The following R3HCC1L variants were observed in gnomAD, a reference collection of about 807,000 sequenced individuals.
R3HCC1L encodes coiled-coil domain-containing protein R3HCC1L.
A neutral mutation model predicts 59.9 loss-of-function variants in R3HCC1L; 51 were observed. That is an observed-to-expected ratio of 0.85 (90% CI 0.68 to 1.07). The LOEUF (loss-of-function observed/expected upper bound fraction) is 1.07. Among genes scored for constraint, R3HCC1L ranks in the 50% least tolerant of loss-of-function variants. The pLI is 0.00. For missense variants in R3HCC1L, 965 were observed against 933.0 expected (o/e 1.03, Z -0.45); for synonymous variants, 322 against 315.2 (o/e 1.02, Z -0.23).
intron 4 of R3HCC1L, among the ~76,000 whole-genome samples, chr10:98,204,980 T>C (rs1200021853): frequency 6.6e-6 from 1 of 152,168 alleles, no homozygotes. Context: ...TTTTTGTGTC[T>C]GTGAGTTATG....
rs114189416 is a variant in R3HCC1L at position 98,164,868 on chromosome 10, G to T, written c.-15+1471G>T. 3.3e-3 allele frequency among the ~76,000 whole-genome samples: 498 copies of T among 152,308 alleles called. 7 individuals carry two copies. Among genetic ancestry groups the T allele is most frequent in the African/African-American group, 0.011 (465 of 41,566 alleles). On this transcript the variant is annotated intron_variant, in intron 4 of 9. Coordinates refer to ENST00000298999, the MANE Select transcript of R3HCC1L (RefSeq NM_001351015.2). ...TGAATGGAAGGTGTTTTAGTTGTTG[G>T]GTTCTGCTAATACAGCTGTGAAATA...
chr10:98,223,411 T>G (rs1029236010), intron 5 of R3HCC1L, among the ~76,000 whole-genome samples: 1 of 152,098 alleles, frequency 6.6e-6, no homozygotes, highest in Admixed American at 6.6e-5. Flanking sequence ...ATAATTACTG[T>G]GTTCTTTTGG....
At chr10:98,203,043 A>G (rs1233590072) in intron 4 of R3HCC1L, among the ~76,000 whole-genome samples, 5 of 152,210 alleles carry the variant, frequency 3.3e-5, no homozygotes, top group Admixed American at 1.3e-4. Flanking sequence ...AGGACATTAC[A>G]GGATCGCTTG....
chr10:98,228,226 A>T (rs1013006172), intron 5 of R3HCC1L, among the ~76,000 whole-genome samples: 1 of 152,202 alleles, frequency 6.6e-6, no homozygotes, highest in Non-Finnish European at 1.5e-5. Flanking sequence ...CTGTTTCTCC[A>T]CATCCTCTCC....
intron 4 of R3HCC1L, among the ~76,000 whole-genome samples, chr10:98,194,922 A>G (rs974250473): frequency 2.0e-5 from 3 of 152,118 alleles, no homozygotes; most frequent in African/African-American, 7.2e-5. Flanking sequence ...TCTTCCTAAA[A>G]CTAAAAATAG....
intron 4 of R3HCC1L, among the ~76,000 whole-genome samples, chr10:98,198,818 G>C (rs186573587): frequency 1.3e-5 from 2 of 152,212 alleles, no homozygotes; most frequent in Non-Finnish European, 2.9e-5. Context: ...GATTATATTT[G>C]TCCTGTGGCA....
intron 4 of R3HCC1L, among the ~76,000 whole-genome samples, chr10:98,177,345 A>G (rs774301331): frequency 3.3e-5 from 5 of 152,144 alleles, no homozygotes; most frequent in African/African-American, 7.2e-5. Flanking sequence ...CCACGTCCCT[A>G]CAAAGGACAT....
intron 9 of R3HCC1L, among the ~76,000 whole-genome samples, chr10:98,238,978 C>A (rs1227026031): frequency 6.6e-6 from 1 of 152,154 alleles, no homozygotes; most frequent in East Asian, 1.9e-4. Flanking sequence ...AGATTAGGGG[C>A]AGATTGTTTA....
intron 1 of R3HCC1L, among the ~76,000 whole-genome samples, chr10:98,141,602 G>T (rs1845142983): frequency 6.6e-6 from 1 of 152,200 alleles, no homozygotes; most frequent in African/African-American, 2.4e-5. Context: ...TTAAGCCTTA[G>T]CTGGGAAGAT....
chr10:98,198,183 G>A (rs764057570), intron 4 of R3HCC1L, among the ~76,000 whole-genome samples: 3 of 152,068 alleles, frequency 2.0e-5, no homozygotes, highest in Non-Finnish European at 4.4e-5. Flanking sequence ...TTAGGGAGAG[G>A]AGAGCAGTGA....
intron 4 of R3HCC1L, among the ~76,000 whole-genome samples, chr10:98,163,960 T>C (rs529186439): frequency 6.6e-6 from 1 of 152,294 alleles, no homozygotes; most frequent in Non-Finnish European, 1.5e-5. Context: ...CAAGGAAGAT[T>C]TAGTAAGTTG....
intron 4 of R3HCC1L, among the ~76,000 whole-genome samples, chr10:98,193,736 G>A (rs1255674846): frequency 1.3e-5 from 2 of 152,120 alleles, no homozygotes; most frequent in Non-Finnish European, 2.9e-5. Context: ...TTTCCCTTGA[G>A]TATGACCTTT....
intron 4 of R3HCC1L, among the ~76,000 whole-genome samples, chr10:98,204,743 C>T (rs568335758): frequency 7.2e-5 from 11 of 152,096 alleles, no homozygotes; most frequent in Admixed American, 2.0e-4. Flanking sequence ...AACAATATTA[C>T]GTATCGTTAT....
chr10:98,141,841 A>G (rs1010430554), intron 1 of R3HCC1L, among the ~76,000 whole-genome samples: 2 of 152,244 alleles, frequency 1.3e-5, no homozygotes, highest in African/African-American at 2.4e-5. Context: ...GTTCTGTAGT[A>G]TCACAAGCTT....
At chr10:98,229,937 G>A (rs1200316741) in intron 5 of R3HCC1L, among the ~76,000 whole-genome samples, 14 of 152,208 alleles carry the variant, frequency 9.2e-5, no homozygotes. Flanking sequence ...AAGCCAACTT[G>A]ATCATGGTGG....
At chr10:98,153,205 A>G (rs577008802) in intron 1 of R3HCC1L, among the ~76,000 whole-genome samples, 7 of 152,278 alleles carry the variant, frequency 4.6e-5, no homozygotes, top group African/African-American at 1.7e-4. Context: ...GAGAATTCAG[A>G]TTGTTGCTGT....
intron 5 of R3HCC1L, among the ~76,000 whole-genome samples, chr10:98,226,598 A>G (rs1855698374): frequency 6.6e-6 from 1 of 152,240 alleles, no homozygotes; most frequent in Non-Finnish European, 1.5e-5. Context: ...TAAATAATCA[A>G]AAGTGATTTT....
chr10:98,231,076 C>A, intron 5 of R3HCC1L: 1 of 412,948 alleles, frequency 2.4e-6, no homozygotes, highest in South Asian at 1.8e-5. Context: ...TATTTAAAAA[C>A]TTTTTTTCAT....
At chr10:98,196,943 G>A (rs113239904) in intron 4 of R3HCC1L, among the ~76,000 whole-genome samples, 7 of 151,996 alleles carry the variant, frequency 4.6e-5, no homozygotes, top group African/African-American at 1.7e-4. Context: ...TTGAGACAGG[G>A]TCTTACTCTG....
Sources: allele counts gnomAD v4.1 joint callset (sites outside exome capture counted in the v4.1 genomes callset), GRCh38; gene constraint gnomAD v4.1.1; transcripts MANE v1.5; gene names NCBI Gene and HGNC (gene_info 2026-07-23, HGNC 2026-07-21).